The following EPHA6 variants were observed in gnomAD, a reference collection of about 807,000 sequenced individuals.
EPHA6 encodes EPH receptor A6.
EPHA6 carries 50 observed loss-of-function variants against 112.0 expected under a neutral mutation model. The observed-to-expected ratio is 0.45, with a 90% CI of 0.36 to 0.56. The LOEUF (loss-of-function observed/expected upper bound fraction) is 0.56. Ranked by LOEUF, EPHA6 falls within the 20% of genes least tolerant of loss-of-function variation. EPHA6 has a pLI of 0.00. For missense variants in EPHA6, 1,280 were observed against 1,417.4 expected, an observed-to-expected ratio of 0.90 and a Z score of 1.56; for synonymous variants, 529 against 490.7, an observed-to-expected ratio of 1.08 and a Z score of -1.03.
At chr3:97,285,399 GC>G (rs1576845081) in intron 5 of EPHA6, among the ~76,000 whole-genome samples, 1 of 151,892 alleles carries the variant, frequency 6.6e-6, no homozygotes, top group East Asian at 1.9e-4. Flanking sequence ...CCTATCCTTT[GC>G]TCACTATCAT....
Position 97,749,082 on chromosome 3 carries a change from G to A in EPHA6, c.*381G>A, listed in dbSNP as rs2035828695. ...TGTGATGGTAGATGAGAAAGAACTAGTTGACCTTTCTTTCATGTTTTGTGA... is the reference window on the plus strand; with the variant it reads ...TGTGATGGTAGATGAGAAAGAACTAATTGACCTTTCTTTCATGTTTTGTGA... On this transcript the variant is annotated 3_prime_UTR_variant, in exon 18 of 18. Transcript: ENST00000389672. The A allele has an allele frequency of 8.3e-6, 2 of 241,018 alleles. No homozygotes were observed. The highest frequency in any genetic ancestry group is 4.4e-5 in the African/African-American group (2 of 45,612). The allele number at this position is 241,018 out of a possible 1,614,324, so 14.9% of individuals were successfully genotyped here.
At chr3:97,188,044 A>G (rs1041961316) in intron 3 of EPHA6, among the ~76,000 whole-genome samples, 1 of 152,138 alleles carries the variant, frequency 6.6e-6, no homozygotes, top group African/African-American at 2.4e-5. Context: ...CTATAAATTG[A>G]CATAATCCCT....
At chr3:97,649,596 CA>C (rs2094092908) in intron 14 of EPHA6, among the ~76,000 whole-genome samples, 1 of 151,940 alleles carries the variant, frequency 6.6e-6, no homozygotes, top group Non-Finnish European at 1.5e-5. Context: ...GCAGCATTAT[CA>C]GAATGCTATG....
intron 11 of EPHA6, among the ~76,000 whole-genome samples, chr3:97,537,168 G>C (rs1382330251): frequency 6.6e-6 from 1 of 152,168 alleles, no homozygotes; most frequent in Non-Finnish European, 1.5e-5. Context: ...AAATTTTTCT[G>C]TAAGTAAAAT....
At chr3:97,179,713 C>T (rs922134790) in intron 3 of EPHA6, among the ~76,000 whole-genome samples, 1 of 140,562 alleles carries the variant, frequency 7.1e-6, no homozygotes, top group Non-Finnish European at 1.5e-5. Flanking sequence ...GCCAAACCTA[C>T]AGAGTCTCTC....
chr3:97,460,820 C>T (rs904212349), intron 7 of EPHA6, among the ~76,000 whole-genome samples: 1 of 152,186 alleles, frequency 6.6e-6, no homozygotes, highest in African/African-American at 2.4e-5. Context: ...GTCAAGTCAA[C>T]AGCTGCATCT....
chr3:97,726,640 T>G (rs994747944), intron 15 of EPHA6, among the ~76,000 whole-genome samples: 13 of 152,090 alleles, frequency 8.5e-5, no homozygotes, highest in African/African-American at 3.1e-4. Flanking sequence ...TATGAAGATT[T>G]TTCTTCTTTT....
At chr3:97,350,123 C>T (rs751197442) in intron 5 of EPHA6, among the ~76,000 whole-genome samples, 2 of 151,986 alleles carry the variant, frequency 1.3e-5, no homozygotes, top group Non-Finnish European at 2.9e-5. Flanking sequence ...TGCTCCTTTT[C>T]ACTCTTCCAG....
intron 5 of EPHA6, among the ~76,000 whole-genome samples, chr3:97,375,456 T>C (rs1207877829): frequency 6.6e-6 from 1 of 152,134 alleles, no homozygotes. Context: ...GCAAAAGCTA[T>C]TGAGCATTAT....
intron 1 of EPHA6, among the ~76,000 whole-genome samples, chr3:96,819,893 A>C (rs1203061887): frequency 6.6e-6 from 1 of 152,144 alleles, no homozygotes; most frequent in Non-Finnish European, 1.5e-5. Flanking sequence ...AAAACAATAA[A>C]GATTGTAAAA....
chr3:97,077,237 CATTA>C (rs2046556600), intron 3 of EPHA6, among the ~76,000 whole-genome samples: 1 of 152,074 alleles, frequency 6.6e-6, no homozygotes, highest in Non-Finnish European at 1.5e-5. Context: ...AAAATATCAA[CATTA>C]ATAGGAGTTG....
chr3:97,440,371 A>G (rs1266292067), intron 6 of EPHA6, among the ~76,000 whole-genome samples: 1 of 152,040 alleles, frequency 6.6e-6, no homozygotes, highest in East Asian at 1.9e-4. Context: ...AATTTTCTAA[A>G]GAGTTTGATT....
chr3:97,325,650 A>G (rs969668119), intron 5 of EPHA6, among the ~76,000 whole-genome samples: 2 of 152,066 alleles, frequency 1.3e-5, no homozygotes, highest in Non-Finnish European at 2.9e-5. Flanking sequence ...GGTAGTGGTG[A>G]TGGTATTTCT....
intron 6 of EPHA6, among the ~76,000 whole-genome samples, chr3:97,419,130 C>T (rs908087133): frequency 6.6e-6 from 1 of 151,796 alleles, no homozygotes; most frequent in African/African-American, 2.4e-5. Context: ...TATGGAGAAA[C>T]CCCGTCTCTA....
At chr3:97,495,542 A>T (rs1320379849) in intron 10 of EPHA6, among the ~76,000 whole-genome samples, 1 of 152,092 alleles carries the variant, frequency 6.6e-6, no homozygotes, top group Non-Finnish European at 1.5e-5. Flanking sequence ...CCCATTTCAT[A>T]AATATTCCTA....
chr3:97,071,855 T>C (rs2046369082), intron 3 of EPHA6, among the ~76,000 whole-genome samples: 1 of 152,086 alleles, frequency 6.6e-6, no homozygotes, highest in Admixed American at 6.6e-5. Context: ...AATTTTAGTC[T>C]TTTATTCCTC....
intron 3 of EPHA6, among the ~76,000 whole-genome samples, chr3:97,114,122 G>T (rs1385908392): frequency 6.6e-6 from 1 of 152,078 alleles, no homozygotes; most frequent in Admixed American, 6.6e-5. Context: ...AGAAGTAGTG[G>T]TATCACAGAG....
At chr3:97,065,126 T>C (rs1476243465) in intron 3 of EPHA6, among the ~76,000 whole-genome samples, 3 of 152,032 alleles carry the variant, frequency 2.0e-5, no homozygotes, top group Non-Finnish European at 2.9e-5. Context: ...TTACAGAGAG[T>C]GCATTATTTA....
rs147520332 is a variant in EPHA6 at position 97,403,469 on chromosome 3, C to T, written c.1607-1681C>T. Among the ~76,000 whole-genome samples the T allele has an allele frequency of 2.0e-3, 304 of 152,172 alleles. 1 individual carries two copies. Among genetic ancestry groups the T allele is most frequent in the African/African-American group, 6.6e-3 (276 of 41,548 alleles). On this transcript the variant is annotated intron_variant, in intron 5 of 17. Coordinates refer to ENST00000389672, the MANE Select transcript of EPHA6 (RefSeq NM_001080448.3). ...AGTTATTTATTTGTTTATTTTGAGA[C>T]GGAGTCTCACTCTGTCGCCCAGGCT...
Sources: allele counts gnomAD v4.1 joint callset (sites outside exome capture counted in the v4.1 genomes callset), GRCh38; gene constraint gnomAD v4.1.1; transcripts MANE v1.5; gene names NCBI Gene and HGNC (gene_info 2026-07-23, HGNC 2026-07-21).